Variants in KDM7A observed in about 807,000 individuals in gnomAD.
The protein encoded by KDM7A is lysine demethylase 7A.
A neutral mutation model predicts 114.8 loss-of-function variants in KDM7A; 28 were observed. The ratio of observed to expected loss-of-function variants is 0.24; its 90% confidence interval spans 0.18 to 0.33. The LOEUF (loss-of-function observed/expected upper bound fraction) is 0.33, where lower values mean the gene tolerates loss of function less well. Ranked by LOEUF, KDM7A falls within the 10% of genes least tolerant of loss-of-function variation. The pLI is 1.00. For missense variants in KDM7A, 942 were observed against 1,142.5 expected (o/e 0.82, Z 2.53); for synonymous variants, 423 against 397.8 (o/e 1.06, Z -0.75).
intron 17 of KDM7A, among the ~76,000 whole-genome samples, chr7:140,094,363 G>T (rs560479596): frequency 1.3e-5 from 2 of 152,286 alleles, no homozygotes; most frequent in East Asian, 3.9e-4. Flanking sequence ...AAATTAGTTG[G>T]GTATGGTGGC....
chr7:140,171,546 A>T (rs1047096407), intron 1 of KDM7A, among the ~76,000 whole-genome samples: 8 of 137,860 alleles, frequency 5.8e-5, no homozygotes, highest in African/African-American at 2.2e-4. Context: ...TATATTTATA[A>T]ATATATATTT....
chr7:140,097,902 T>C (rs552919032), intron 14 of KDM7A, among the ~76,000 whole-genome samples: 12 of 152,358 alleles, frequency 7.9e-5, no homozygotes, highest in African/African-American at 2.4e-4. Context: ...CTTGGATGGA[T>C]TGACTGTTTT....
chr7:140,091,242 G>A (rs1359215121), intron 19 of KDM7A, 54 bp from the exon 20 acceptor site: 1 of 1,200,584 alleles, frequency 8.3e-7, no homozygotes, highest in African/African-American at 1.5e-5. Flanking sequence ...ACTTAAGAGA[G>A]CACCTGGAAG....
intron 11 of KDM7A, 73 bp downstream of exon 11, chr7:140,111,022 A>G: frequency 1.3e-6 from 1 of 785,192 alleles, no homozygotes; most frequent in Non-Finnish European, 2.1e-6. Flanking sequence ...ATATTTGTAG[A>G]GAGTGGAATA....
intron 2 of KDM7A, among the ~76,000 whole-genome samples, chr7:140,138,761 A>C (rs1054292952): frequency 3.9e-5 from 6 of 152,248 alleles, no homozygotes; most frequent in African/African-American, 1.2e-4. Flanking sequence ...ATACTACTAA[A>C]GATCTTCTAT....
At chr7:140,117,758 A>G (rs1019662483) in intron 9 of KDM7A, among the ~76,000 whole-genome samples, 1 of 152,240 alleles carries the variant, frequency 6.6e-6, no homozygotes, top group African/African-American at 2.4e-5. Context: ...GACACTCTAC[A>G]GTCCATTGTG....
chr7:140,157,964 G>A (rs1007389408), intron 1 of KDM7A, among the ~76,000 whole-genome samples: 8 of 138,348 alleles, frequency 5.8e-5, no homozygotes, highest in African/African-American at 1.1e-4. Context: ...GCAAGACTCC[G>A]TCTCAAAAAA....
At chr7:140,172,559 A>C (rs1031950651) in intron 1 of KDM7A, among the ~76,000 whole-genome samples, 1 of 152,198 alleles carries the variant, frequency 6.6e-6, no homozygotes, top group African/African-American at 2.4e-5. Flanking sequence ...AGGCTGAGGC[A>C]GGAGAATGGC....
At chr7:140,152,032 A>G (rs1794405784) in intron 1 of KDM7A, among the ~76,000 whole-genome samples, 1 of 152,220 alleles carries the variant, frequency 6.6e-6, no homozygotes, top group Non-Finnish European at 1.5e-5. Context: ...AGGCAAATCA[A>G]GTAGATCTAG....
At chr7:140,142,032 TAA>T (rs1491095444) in intron 1 of KDM7A, among the ~76,000 whole-genome samples, 4 of 130,390 alleles carry the variant, frequency 3.1e-5, no homozygotes, top group African/African-American at 5.3e-5. Flanking sequence ...ATTTATATAT[TAA>T]AAAGATATTT....
chr7:140,150,126 G>C (rs1269453991), intron 1 of KDM7A, among the ~76,000 whole-genome samples: 1 of 152,134 alleles, frequency 6.6e-6, no homozygotes, highest in African/African-American at 2.4e-5. Context: ...TAAGCACCTT[G>C]AGCCCAGAGA....
chr7:140,092,147 T>C lies in KDM7A; in HGVS notation c.2458-70A>G, dbSNP rs924306433. On this transcript the variant is annotated intron_variant, in intron 18 of 19. Coordinates refer to ENST00000397560, the MANE Select transcript of KDM7A (RefSeq NM_030647.2). ...ATGAGGTATTTAAGCTCTCTATGCA[T>C]TGGCAAAGTCAAGTGAGAGAAGAAA... 8 of 1,434,994 alleles carry C rather than the reference T, an allele frequency of 5.6e-6. No individual in the cohort carries two copies. The Admixed American group carries it at 7.4e-5, about 13-fold the overall frequency. 88.9% of individuals were successfully genotyped at this position (1,434,994 alleles called of 1,614,324 possible).
intron 12 of KDM7A, among the ~76,000 whole-genome samples, chr7:140,100,689 C>CACATATGTATAT (rs1562945966): frequency 3.7e-5 from 2 of 54,008 alleles, no homozygotes; most frequent in African/African-American, 1.4e-4. Context: ...TACATATATA[C>CACATATGTATAT]ATATATATAT....
rs1398201253 is a variant in KDM7A at position 140,090,900 on chromosome 7, C to A, written c.*194G>T. The A allele has an allele frequency of 7.1e-6, 4 of 560,546 alleles. No homozygotes were observed. Among genetic ancestry groups the A allele is most frequent in the African/African-American group, 1.9e-5 (1 of 53,476 alleles). The allele number at this position is 560,546 out of a possible 1,614,324, so 34.7% of individuals were successfully genotyped here. A position where few individuals can be genotyped will look rare whatever the true frequency, so the allele number is the denominator to read the frequency against. Reference sequence around the variant, plus strand: ...GGTTCTACCCTCCTTCTTCCTCTCCCCCACCAGGTCCAAAATGGTTATTGC... The same window carrying A: ...GGTTCTACCCTCCTTCTTCCTCTCCACCACCAGGTCCAAAATGGTTATTGC... On this transcript the variant is annotated 3_prime_UTR_variant, in exon 20 of 20. Coordinates refer to ENST00000397560, the MANE Select transcript of KDM7A (RefSeq NM_030647.2).
intron 12 of KDM7A, among the ~76,000 whole-genome samples, chr7:140,100,671 T>TATATATAC (rs1818188509): frequency 4.2e-4 from 17 of 40,298 alleles, no homozygotes; most frequent in Admixed American, 2.9e-3. Context: ...TATATATATA[T>TATATATAC]ATATATATAC....
chr7:140,116,875 T>C (rs1818539194), intron 9 of KDM7A, among the ~76,000 whole-genome samples: 1 of 152,232 alleles, frequency 6.6e-6, no homozygotes, highest in Non-Finnish European at 1.5e-5. Context: ...ACTGGTTCAC[T>C]GTTTTACTAT....
intron 9 of KDM7A, among the ~76,000 whole-genome samples, chr7:140,113,937 T>C (rs1308869381): frequency 1.3e-5 from 2 of 152,184 alleles, no homozygotes; most frequent in Non-Finnish European, 2.9e-5. Flanking sequence ...TGAGCCACTG[T>C]ATCTGGCCAG....
At chr7:140,137,426 C>G (rs1191114886) in intron 2 of KDM7A, among the ~76,000 whole-genome samples, 1 of 152,154 alleles carries the variant, frequency 6.6e-6, no homozygotes, top group Non-Finnish European at 1.5e-5. Context: ...CATTTTGGGA[C>G]TGTATACTTA....
intron 1 of KDM7A, among the ~76,000 whole-genome samples, chr7:140,145,322 G>A (rs916100262): frequency 1.3e-5 from 2 of 152,134 alleles, no homozygotes; most frequent in African/African-American, 4.8e-5. Flanking sequence ...ATGTGAAGAC[G>A]GAAGGTAGTG....
Sources: allele counts gnomAD v4.1 joint callset (sites outside exome capture counted in the v4.1 genomes callset), GRCh38; gene constraint gnomAD v4.1.1; transcripts MANE v1.5; gene names NCBI Gene and HGNC (gene_info 2026-07-23, HGNC 2026-07-21).